The following ANO3 variants were observed in gnomAD, a reference collection of about 807,000 sequenced individuals.
The protein encoded by ANO3 is anoctamin-3.
In ANO3, 99 loss-of-function variants were observed where a neutral mutation model predicts 144.8. The ratio of observed to expected loss-of-function variants is 0.68; its 90% CI spans 0.58 to 0.81. The LOEUF (loss-of-function observed/expected upper bound fraction) is 0.81, where lower values mean the gene tolerates loss of function less well. Among genes scored for constraint, ANO3 ranks in the 30% least tolerant of loss-of-function variants. ANO3 has a pLI of 0.00. For missense variants in ANO3, 905 were observed against 1,202.2 expected, an observed-to-expected ratio of 0.75 and a Z score of 3.66; for synonymous variants, 414 against 392.6, an observed-to-expected ratio of 1.05 and a Z score of -0.64.
At chr11:26,356,202 C>T (rs139301970) in intron 1 of ANO3, among the ~76,000 whole-genome samples, 83 of 152,118 alleles carry the variant, frequency 5.5e-4, no homozygotes, top group Non-Finnish European at 6.3e-4. Flanking sequence ...TGTGTATGCT[C>T]TATATACAAC....
At chr11:26,534,374 C>T (rs187433945) in intron 8 of ANO3, 82 bp from the exon 9 acceptor site, 29 of 832,652 alleles carry the variant, frequency 3.5e-5, no homozygotes, top group Middle Eastern at 6.4e-4. Context: ...GCTTCATATG[C>T]ATTAGCTTTA....
intron 1 of ANO3, among the ~76,000 whole-genome samples, chr11:26,230,887 CT>C (rs765457226): frequency 0.039 from 2,700 of 68,426 alleles, 54 homozygotes; most frequent in East Asian, 0.22. Flanking sequence ...AAGTTTTTTT[CT>C]TTTTTTTTTT....
chr11:26,662,049 G>T lies in ANO3; in HGVS notation c.*1605G>T, dbSNP rs1306335372. 1 of 152,046 alleles carries T rather than the reference G, an allele frequency of 6.6e-6. No homozygotes were observed. The highest frequency in any genetic ancestry group is 2.4e-5 in the African/African-American group (1 of 41,422). The allele number at this position is 152,046 out of a possible 1,614,324, so 9.4% of individuals were successfully genotyped here. On this transcript the variant is annotated 3_prime_UTR_variant, in exon 27 of 27. Coordinates refer to ENST00000256737, the MANE Select transcript of ANO3 (RefSeq NM_031418.4). ...ATAAAGCTACTACATATATATGCCA[G>T]TATTTCTCTAGTAAGATTATGTTTC...
At chr11:26,643,737 A>G (rs962524785) in intron 23 of ANO3, among the ~76,000 whole-genome samples, 5 of 147,624 alleles carry the variant, frequency 3.4e-5, no homozygotes, top group East Asian at 2.0e-4. Context: ...AAAAAAAAAA[A>G]GAAGTGATTA....
At chr11:26,236,938 T>G (rs1402098928) in intron 1 of ANO3, among the ~76,000 whole-genome samples, 1 of 152,122 alleles carries the variant, frequency 6.6e-6, no homozygotes, top group Non-Finnish European at 1.5e-5. Flanking sequence ...TTTTTTTAAT[T>G]TTGGGAAAAT....
At chr11:26,259,233 T>G (rs1440680644) in intron 1 of ANO3, among the ~76,000 whole-genome samples, 1 of 152,204 alleles carries the variant, frequency 6.6e-6, no homozygotes, top group East Asian at 1.9e-4. Context: ...ATAGATTGAC[T>G]CTTGTGTTTG....
At chr11:26,245,946 T>A (rs895534982) in intron 1 of ANO3, among the ~76,000 whole-genome samples, 5 of 152,220 alleles carry the variant, frequency 3.3e-5, no homozygotes, top group Non-Finnish European at 5.9e-5. Flanking sequence ...AGGTCTTTCC[T>A]CCTGCAGTAT....
At chr11:26,333,935 C>A (rs905221658) in intron 1 of ANO3, among the ~76,000 whole-genome samples, 12 of 152,178 alleles carry the variant, frequency 7.9e-5, no homozygotes, top group Admixed American at 1.3e-4. Context: ...TTGCAACAGC[C>A]TCACAGAATA....
chr11:26,532,573 C>T (rs1181399889), intron 8 of ANO3, among the ~76,000 whole-genome samples: 2 of 152,076 alleles, frequency 1.3e-5, no homozygotes, highest in Admixed American at 6.6e-5. Context: ...CTGCCCAGCA[C>T]TATCACCCCA....
At chr11:26,324,527 T>C (rs1854837751) in intron 1 of ANO3, among the ~76,000 whole-genome samples, 1 of 152,200 alleles carries the variant, frequency 6.6e-6, no homozygotes. Context: ...AATATACACT[T>C]TTAAAAATGA....
chr11:26,637,963 T>C (rs1853017696), intron 20 of ANO3, among the ~76,000 whole-genome samples: 1 of 152,196 alleles, frequency 6.6e-6, no homozygotes, highest in Non-Finnish European at 1.5e-5. Context: ...AACACATCGG[T>C]TGTGATTTTT....
At chr11:26,253,982 C>T (rs986323202) in intron 1 of ANO3, among the ~76,000 whole-genome samples, 10 of 152,162 alleles carry the variant, frequency 6.6e-5, no homozygotes, top group African/African-American at 1.2e-4. Flanking sequence ...AGAAGGCATG[C>T]TCAACATTAA....
In ANO3 at chr11:26,662,728, A is replaced by C. The variant is rs981760490; in HGVS notation, c.*2284A>C. 1 of 152,096 alleles carries C rather than the reference A, an allele frequency of 6.6e-6. No individual in the cohort carries two copies. Among genetic ancestry groups the C allele is most frequent in the Non-Finnish European group, 1.5e-5 (1 of 67,982 alleles). The allele number at this position is 152,096 out of a possible 1,614,324, so 9.4% of individuals were successfully genotyped here. On this transcript the variant is annotated 3_prime_UTR_variant, in exon 27 of 27. Transcript: ENST00000256737. Reference sequence around the variant, plus strand: ...TACTTTTGAAACAGATGTGAAAAACAGAAAAAGAAAAAATTGTCTGAAATG... The same window carrying C: ...TACTTTTGAAACAGATGTGAAAAACCGAAAAAGAAAAAATTGTCTGAAATG...
intron 6 of ANO3, among the ~76,000 whole-genome samples, chr11:26,524,684 T>C (rs538492908): frequency 2.6e-5 from 4 of 152,308 alleles, no homozygotes; most frequent in African/African-American, 9.6e-5. Context: ...TTTTAGTTTC[T>C]CTAAGAAATG....
At chr11:26,220,072 G>C (rs1248408558) in intron 1 of ANO3, among the ~76,000 whole-genome samples, 2 of 152,222 alleles carry the variant, frequency 1.3e-5, no homozygotes, top group African/African-American at 4.8e-5. Flanking sequence ...AGGGAGAAGA[G>C]GAAGGTCAGC....
At chr11:26,389,899 A>C (rs909552589) in intron 1 of ANO3, among the ~76,000 whole-genome samples, 5 of 152,146 alleles carry the variant, frequency 3.3e-5, no homozygotes, top group Admixed American at 2.0e-4. Context: ...ATTAAAAGGC[A>C]CTGTACACCT....
At chr11:26,271,131 T>G (rs1295973987) in intron 1 of ANO3, among the ~76,000 whole-genome samples, 1 of 152,230 alleles carries the variant, frequency 6.6e-6, no homozygotes, top group Non-Finnish European at 1.5e-5. Flanking sequence ...GAAAAGATAA[T>G]TCTAAAAGAG....
At chr11:26,235,594 C>CTT (rs55765741) in intron 1 of ANO3, among the ~76,000 whole-genome samples, 60 of 139,744 alleles carry the variant, frequency 4.3e-4, no homozygotes, top group African/African-American at 1.5e-3. Flanking sequence ...ACAATGTATA[C>CTT]TTTTTTTTTT....
At chr11:26,462,146 A>G (rs1477068134) in intron 3 of ANO3, among the ~76,000 whole-genome samples, 1 of 151,980 alleles carries the variant, frequency 6.6e-6, no homozygotes, top group Non-Finnish European at 1.5e-5. Flanking sequence ...TCCTCTGTAC[A>G]ATAAGTTGAC....
Sources: gnomAD v4.1 joint callset for allele counts (sites outside exome capture counted in the v4.1 genomes callset) on GRCh38, gnomAD v4.1.1 for gene constraint, MANE v1.5 for transcripts, NCBI Gene and HGNC (gene_info 2026-07-23, HGNC 2026-07-21) for gene names.